Variants in PRELID2 observed in about 807,000 individuals in gnomAD.
PRELID2 encodes the protein PRELI domain containing 2.
Under a neutral mutation model 28.4 loss-of-function variants are expected in PRELID2, and 25 were observed. That is an observed-to-expected ratio of 0.88 (90% CI 0.64 to 1.23). The LOEUF (loss-of-function observed/expected upper bound fraction) is 1.23. PRELID2 is among the 50% of genes most tolerant of loss of function. The probability of loss-of-function intolerance (pLI) is 0.00; values close to 1 mark genes in which losing one functional copy is unlikely to be tolerated. For synonymous variants in PRELID2, 76 were observed against 71.6 expected (o/e 1.06, Z -0.31); for missense variants, 201 against 214.4 (o/e 0.94, Z 0.39).
intron 1 of PRELID2, among the ~76,000 whole-genome samples, chr5:145,514,014 A>AAAACC (rs1227931575): frequency 1.3e-5 from 2 of 152,210 alleles, no homozygotes; most frequent in Admixed American, 1.3e-4. Flanking sequence ...ATGGAAAGGA[A>AAAACC]AAACCAGTAC....
intron 1 of PRELID2, among the ~76,000 whole-genome samples, chr5:145,695,628 G>C (rs1216308344): frequency 6.6e-6 from 1 of 152,136 alleles, no homozygotes. Flanking sequence ...AGGCTGCAAT[G>C]ATCTGAAGGC....
At chr5:145,605,581 T>C (rs111408285) in intron 1 of PRELID2, among the ~76,000 whole-genome samples, 48 of 152,258 alleles carry the variant, frequency 3.2e-4, no homozygotes, top group African/African-American at 1.2e-3. Flanking sequence ...TGTAGGCTTG[T>C]AGTTTAGTTT....
intron 1 of PRELID2, among the ~76,000 whole-genome samples, chr5:145,473,937 C>T (rs1010910119): frequency 1.3e-5 from 2 of 152,182 alleles, no homozygotes; most frequent in Non-Finnish European, 2.9e-5. Flanking sequence ...TTTGCTGATG[C>T]TATTGCAATT....
the PRELID2 span, chr5:145,229,659 T>C: frequency 4.9e-6 from 4 of 820,940 alleles, no homozygotes; most frequent in Admixed American, 3.4e-5. Flanking sequence ...CCAAGGTATC[T>C]ACCAGACCCC....
chr5:145,741,770 A>C (rs1451787694), intron 1 of PRELID2, among the ~76,000 whole-genome samples: 1 of 114,544 alleles, frequency 8.7e-6, no homozygotes, highest in Admixed American at 1.0e-4. Flanking sequence ...ATTTATATAT[A>C]AATAAAATTT....
At chr5:145,541,651 T>A (rs578059681) in intron 1 of PRELID2, among the ~76,000 whole-genome samples, 3 of 152,076 alleles carry the variant, frequency 2.0e-5, no homozygotes, top group Non-Finnish European at 4.4e-5. Flanking sequence ...TCTGTAAATA[T>A]GCACAAGAAA....
chr5:145,269,036 A>C, the PRELID2 span, among the ~76,000 whole-genome samples: 1 of 152,126 alleles, frequency 6.6e-6, no homozygotes, highest in Non-Finnish European at 1.5e-5. Context: ...TAAGAGCCTA[A>C]ATAAATAGAA....
chr5:145,682,459 G>T (rs1202117040), intron 1 of PRELID2, among the ~76,000 whole-genome samples: 4 of 152,174 alleles, frequency 2.6e-5, no homozygotes, highest in Non-Finnish European at 4.4e-5. Context: ...TAACAGACCT[G>T]GCTTCATTTT....
In PRELID2 at chr5:145,775,761, G is replaced by T. The variant is rs1354915980; in HGVS notation, c.475-10761C>A. On this transcript the variant is annotated intron_variant, in intron 5 of 6. Coordinates refer to ENST00000683046, the MANE Select transcript of PRELID2 (RefSeq NM_205846.3). ...AATGAAGTACAAGGTTAGCCAGAGT[G>T]CTGTCATTAACAAAAGCAACATAAA... is the stretch of plus-strand genomic sequence containing the variant. 2.6e-5 allele frequency among the ~76,000 whole-genome samples: 4 copies of T among 152,186 alleles called. No homozygotes were observed. The East Asian group carries it at 7.7e-4, about 29-fold the overall frequency.
At chr5:145,439,898 A>G in the PRELID2 span, among the ~76,000 whole-genome samples, 1 of 152,062 alleles carries the variant, frequency 6.6e-6, no homozygotes, top group Non-Finnish European at 1.5e-5. Flanking sequence ...AAACAAACAC[A>G]ACAAAAAACT....
intron 1 of PRELID2, among the ~76,000 whole-genome samples, chr5:145,702,028 G>A (rs1755419501): frequency 6.6e-6 from 1 of 151,880 alleles, no homozygotes; most frequent in Non-Finnish European, 1.5e-5. Context: ...TCCAGTCTGG[G>A]CAATGAGCAA....
At chr5:145,615,823 T>G (rs1364969338) in intron 1 of PRELID2, among the ~76,000 whole-genome samples, 3 of 152,220 alleles carry the variant, frequency 2.0e-5, no homozygotes, top group African/African-American at 7.2e-5. Context: ...TCATTTTCAT[T>G]TTACAAGTCC....
intron 1 of PRELID2, among the ~76,000 whole-genome samples, chr5:145,716,655 C>T (rs544519517): frequency 1.1e-4 from 16 of 152,180 alleles, no homozygotes; most frequent in African/African-American, 3.9e-4. Flanking sequence ...CAGTTGCAAC[C>T]AAAGTATATA....
the PRELID2 span, among the ~76,000 whole-genome samples, chr5:145,446,671 T>G: frequency 6.6e-6 from 1 of 152,136 alleles, no homozygotes; most frequent in Non-Finnish European, 1.5e-5. Context: ...TTATCCCGTA[T>G]TATCATCTTC....
intron 1 of PRELID2, among the ~76,000 whole-genome samples, chr5:145,624,951 A>T (rs549442830): frequency 6.6e-6 from 1 of 152,306 alleles, no homozygotes; most frequent in South Asian, 2.1e-4. Flanking sequence ...TATAGAAGAG[A>T]GGCGCAAATG....
chr5:145,780,436 T>C (rs747776996), intron 5 of PRELID2, among the ~76,000 whole-genome samples: 1 of 152,208 alleles, frequency 6.6e-6, no homozygotes, highest in Non-Finnish European at 1.5e-5. Flanking sequence ...ATGAGGAACA[T>C]GAGACACAGA....
the PRELID2 span, among the ~76,000 whole-genome samples, chr5:145,444,472 G>A: frequency 6.6e-6 from 1 of 151,890 alleles, no homozygotes; most frequent in Admixed American, 6.6e-5. Flanking sequence ...TCCCCACACT[G>A]TCATTTTTGC....
At chr5:145,807,055 C>A (rs144487584) in intron 4 of PRELID2, among the ~76,000 whole-genome samples, 66 of 152,290 alleles carry the variant, frequency 4.3e-4, no homozygotes, top group African/African-American at 1.5e-3. Context: ...ATACACTACA[C>A]GTTTACACAA....
chr5:145,797,318 G>A (rs570732569), intron 4 of PRELID2, among the ~76,000 whole-genome samples: 2 of 152,198 alleles, frequency 1.3e-5, no homozygotes, highest in East Asian at 3.9e-4. Flanking sequence ...GCAAAGCCAA[G>A]AAGAGCCACA....
Sources: allele counts gnomAD v4.1 joint callset (sites outside exome capture counted in the v4.1 genomes callset), GRCh38; gene constraint gnomAD v4.1.1; transcripts MANE v1.5; gene names NCBI Gene and HGNC (gene_info 2026-07-23, HGNC 2026-07-21).